Variants in MGAT4C observed in about 807,000 individuals in gnomAD.
MGAT4C encodes the protein alpha-1,3-mannosyl-glycoprotein 4-beta-N-acetylglucosaminyltransferase C.
Under a neutral mutation model 40.1 loss-of-function variants are expected in MGAT4C, and 19 were observed. That is an observed-to-expected ratio of 0.47 (90% CI 0.33 to 0.70). MGAT4C has a LOEUF of 0.70. Ranked by LOEUF, MGAT4C falls within the 30% of genes least tolerant of loss-of-function variation. The pLI, the probability that MGAT4C is intolerant of heterozygous loss-of-function variation, is 0.02. For missense variants in MGAT4C, 491 were observed against 563.2 expected, an observed-to-expected ratio of 0.87 and a Z score of 1.30; for synonymous variants, 181 against 187.1, an observed-to-expected ratio of 0.97 and a Z score of 0.27.
chr12:86,482,279 T>A (rs1367195169), intron 2 of MGAT4C, among the ~76,000 whole-genome samples: 5 of 152,066 alleles, frequency 3.3e-5, no homozygotes, highest in African/African-American at 7.2e-5. Context: ...AAAAACTGTG[T>A]AAATATGCTT....
chr12:85,989,456 C>T lies in MGAT4C; in HGVS notation c.91G>A (p.Val31Ile), dbSNP rs532825428. 6.2e-7 allele frequency: 1 copy of T among 1,607,852 alleles called. No homozygotes were observed. The highest frequency in any genetic ancestry group is 1.3e-5 in the African/African-American group (1 of 74,858). The change falls in exon 3 of 5, where the codon GTT becomes ATT. Residue 31 changes from valine (V) to isoleucine (I), a missense_variant. Val to Ile is a conservative substitution (Grantham distance 29). Coordinates refer to ENST00000611864, the MANE Select transcript of MGAT4C (RefSeq NM_001351288.2). ...ATAAAAAGGAGAAAAATGACAAGAACTCCCAAGAATGACACTGTAGAACGT... is the reference window on the plus strand; with the variant it reads ...ATAAAAAGGAGAAAAATGACAAGAATTCCCAAGAATGACACTGTAGAACGT... ...RKRSTVSFLG[V>I]LVIFLLFMNL...
intron 3 of MGAT4C, among the ~76,000 whole-genome samples, chr12:86,412,976 C>T (rs1956635431): frequency 1.3e-5 from 2 of 152,048 alleles, no homozygotes; most frequent in South Asian, 4.2e-4. Context: ...TAGTACCTCC[C>T]CCTTCACTCT....
chr12:86,049,075 T>C (rs1565908069), intron 2 of MGAT4C, among the ~76,000 whole-genome samples: 1 of 152,098 alleles, frequency 6.6e-6, no homozygotes, highest in East Asian at 1.9e-4. Context: ...AGGTGTAAAG[T>C]CTGATAAGAA....
chr12:86,593,028 G>A (rs975338303), intron 2 of MGAT4C, among the ~76,000 whole-genome samples: 1 of 151,768 alleles, frequency 6.6e-6, no homozygotes, highest in African/African-American at 2.4e-5. Flanking sequence ...TTTTCACTTT[G>A]AAGCTATCTT....
intron 4 of MGAT4C, among the ~76,000 whole-genome samples, chr12:86,295,476 CAGTG>C (rs974288253): frequency 6.6e-6 from 1 of 152,084 alleles, no homozygotes; most frequent in Admixed American, 6.5e-5. Context: ...CAGATTTTCG[CAGTG>C]AGTGTTACAG....
chr12:86,101,604 A>T (rs1875069163), intron 1 of MGAT4C, among the ~76,000 whole-genome samples: 1 of 151,904 alleles, frequency 6.6e-6, no homozygotes, highest in Non-Finnish European at 1.5e-5. Context: ...CATAGTATCA[A>T]CCTGACTGCT....
At chr12:86,452,601 T>C (rs542008087) in intron 2 of MGAT4C, among the ~76,000 whole-genome samples, 6 of 152,206 alleles carry the variant, frequency 3.9e-5, no homozygotes, top group East Asian at 3.9e-4. Flanking sequence ...TTTCTACATT[T>C]TATTTTTCTT....
chr12:86,486,465 A>G (rs2136318319), intron 2 of MGAT4C, among the ~76,000 whole-genome samples: 1 of 151,994 alleles, frequency 6.6e-6, no homozygotes, highest in South Asian at 2.1e-4. Context: ...AACAGACTTG[A>G]GACCACCAAC....
At chr12:86,786,434 TG>T (rs1455751105) in intron 1 of MGAT4C, among the ~76,000 whole-genome samples, 8 of 152,204 alleles carry the variant, frequency 5.3e-5, no homozygotes, top group South Asian at 2.1e-4. Flanking sequence ...TTCTTTTTTT[TG>T]GTTTCAGAAG....
At chr12:86,090,681 C>G (rs900678735) in intron 1 of MGAT4C, among the ~76,000 whole-genome samples, 1 of 151,796 alleles carries the variant, frequency 6.6e-6, no homozygotes, top group African/African-American at 2.4e-5. Flanking sequence ...TACCTCTAAA[C>G]AATGACAATT....
At chr12:86,432,201 C>A (rs1429891436) in intron 3 of MGAT4C, among the ~76,000 whole-genome samples, 1 of 151,980 alleles carries the variant, frequency 6.6e-6, no homozygotes, top group Non-Finnish European at 1.5e-5. Context: ...AATGTAACTA[C>A]CTCAGAAAAT....
At position 86,105,392 on chromosome 12, in the gene MGAT4C, G is replaced by T. The variant is rs140340685; in HGVS notation, c.-56-55669C>A. Reference sequence around the variant, plus strand: ...TTAAGTATATCATCTTATAGGAAAAGAATTACATGTATGATTTTCTAATTT... The same window carrying T: ...TTAAGTATATCATCTTATAGGAAAATAATTACATGTATGATTTTCTAATTT... On this transcript the variant is annotated intron_variant, in intron 1 of 4. Coordinates refer to ENST00000611864, the MANE Select transcript of MGAT4C (RefSeq NM_001351288.2). Among the ~76,000 whole-genome samples the T allele has an allele frequency of 5.1e-3, 773 of 152,172 alleles. 4 individuals carry two copies. Among genetic ancestry groups the T allele is most frequent in the Middle Eastern group, 0.01 (3 of 294 alleles).
At chr12:86,263,037 G>A (rs997615749) in intron 4 of MGAT4C, among the ~76,000 whole-genome samples, 3 of 151,934 alleles carry the variant, frequency 2.0e-5, no homozygotes, top group African/African-American at 7.2e-5. Context: ...AAAGGTGAAA[G>A]CTTTCTTTTC....
chr12:86,571,770 A>G (rs1273486971), intron 2 of MGAT4C, among the ~76,000 whole-genome samples: 2 of 152,134 alleles, frequency 1.3e-5, no homozygotes, highest in African/African-American at 4.8e-5. Context: ...CTCAAAGACA[A>G]TCCCCACACT....
chr12:85,983,333 T>G (rs1286208829), intron 4 of MGAT4C, among the ~76,000 whole-genome samples, 190 bp downstream of exon 4: 4 of 152,154 alleles, frequency 2.6e-5, no homozygotes, highest in Admixed American at 2.0e-4. Context: ...TATTTAATTT[T>G]TTTGTTATTA....
chr12:86,594,505 A>C (rs1961455172), intron 2 of MGAT4C, among the ~76,000 whole-genome samples: 1 of 152,188 alleles, frequency 6.6e-6, no homozygotes, highest in South Asian at 2.1e-4. Flanking sequence ...TGACTTTTAA[A>C]ATCCACTTGT....
chr12:86,721,536 T>G (rs1950736496), intron 2 of MGAT4C, among the ~76,000 whole-genome samples: 1 of 152,140 alleles, frequency 6.6e-6, no homozygotes, highest in Non-Finnish European at 1.5e-5. Context: ...GACCGTAGAT[T>G]CAGAAGAATC....
chr12:86,105,079 G>T (rs1459927881), intron 1 of MGAT4C, among the ~76,000 whole-genome samples: 4 of 152,054 alleles, frequency 2.6e-5, no homozygotes, highest in African/African-American at 9.7e-5. Context: ...ATATGTAAAG[G>T]CAGGTAAAAT....
At chr12:86,357,981 C>T (rs1309448338) in intron 3 of MGAT4C, among the ~76,000 whole-genome samples, 1 of 152,036 alleles carries the variant, frequency 6.6e-6, no homozygotes, top group African/African-American at 2.4e-5. Flanking sequence ...ACAGAGAACA[C>T]CACAGCGATA....
Sources: gnomAD v4.1 joint callset for allele counts (sites outside exome capture counted in the v4.1 genomes callset) on GRCh38, gnomAD v4.1.1 for gene constraint, MANE v1.5 for transcripts, NCBI Gene and HGNC (gene_info 2026-07-23, HGNC 2026-07-21) for gene names.